Variants in NKAIN2 observed in about 807,000 individuals in gnomAD.
The protein encoded by NKAIN2 is sodium/potassium-transporting ATPase subunit beta-1-interacting protein 2.
Under a neutral mutation model 32.6 loss-of-function variants are expected in NKAIN2, and 14 were observed. The ratio of observed to expected loss-of-function variants is 0.43; its 90% CI spans 0.28 to 0.67. NKAIN2 has a LOEUF of 0.67. Ranked by LOEUF, NKAIN2 falls within the 30% of genes least tolerant of loss-of-function variation. The probability of loss-of-function intolerance (pLI) is 0.17; values close to 1 mark genes in which losing one functional copy is unlikely to be tolerated. For synonymous variants in NKAIN2, 80 were observed against 87.2 expected, an observed-to-expected ratio of 0.92 and a Z score of 0.46; for missense variants, 198 against 258.3, an observed-to-expected ratio of 0.77 and a Z score of 1.60.
At chr6:123,947,401 T>G (rs1204309357) in intron 1 of NKAIN2, among the ~76,000 whole-genome samples, 1 of 152,136 alleles carries the variant, frequency 6.6e-6, no homozygotes, top group Non-Finnish European at 1.5e-5. Flanking sequence ...TTGTGTAAAA[T>G]TAACTTGTAT....
chr6:124,307,223 A>G (rs1456705080), intron 2 of NKAIN2, among the ~76,000 whole-genome samples: 2 of 152,224 alleles, frequency 1.3e-5, no homozygotes, highest in Non-Finnish European at 2.9e-5. Context: ...AGGTCTGGCT[A>G]TGCTTATTTT....
intron 1 of NKAIN2, among the ~76,000 whole-genome samples, chr6:124,098,318 CATT>C (rs1218461584): frequency 2.0e-5 from 3 of 152,100 alleles, no homozygotes; most frequent in African/African-American, 7.2e-5. Flanking sequence ...AGGGATCATG[CATT>C]ATTTGAATGT....
chr6:123,844,294 G>A (rs1775004239), intron 1 of NKAIN2, among the ~76,000 whole-genome samples: 1 of 152,170 alleles, frequency 6.6e-6, no homozygotes, highest in African/African-American at 2.4e-5. Flanking sequence ...TTTGAAGAAG[G>A]TAGTGTTTAG....
intron 1 of NKAIN2, among the ~76,000 whole-genome samples, chr6:123,843,658 C>T (rs1039707099): frequency 3.3e-5 from 5 of 152,130 alleles, no homozygotes; most frequent in African/African-American, 1.2e-4. Flanking sequence ...TCCCTGCATC[C>T]TGTCCTTATC....
rs1781468671 is a variant in NKAIN2 at position 124,823,335 on chromosome 6, A to G, written c.*106A>G. 3 of 800,222 alleles carry G rather than the reference A, an allele frequency of 3.7e-6. No homozygotes were observed. Among genetic ancestry groups the G allele is most frequent in the Non-Finnish European group, 6.8e-6 (3 of 443,018 alleles). The allele number at this position is 800,222 out of a possible 1,614,324, so 49.6% of individuals were successfully genotyped here. ...AAGAAGCAACTGAGTTTAAATACAT[A>G]CACGTATTAACAAAACAAATGCAAA... On this transcript the variant is annotated 3_prime_UTR_variant, in exon 7 of 7. Coordinates refer to ENST00000368417, the MANE Select transcript of NKAIN2 (RefSeq NM_001040214.3).
intron 1 of NKAIN2, among the ~76,000 whole-genome samples, chr6:124,155,281 A>G (rs547973569): frequency 6.6e-6 from 1 of 152,132 alleles, no homozygotes; most frequent in Non-Finnish European, 1.5e-5. Context: ...TAACATTAAT[A>G]TATAGCTTCA....
chr6:124,708,406 G>A (rs1775223152), intron 4 of NKAIN2, among the ~76,000 whole-genome samples: 1 of 151,660 alleles, frequency 6.6e-6, no homozygotes, highest in Non-Finnish European at 1.5e-5. Flanking sequence ...GATGGGGATG[G>A]CATTGAATCT....
intron 1 of NKAIN2, among the ~76,000 whole-genome samples, chr6:124,254,691 G>C (rs1793843837): frequency 1.3e-5 from 2 of 152,094 alleles, no homozygotes; most frequent in Admixed American, 6.6e-5. Flanking sequence ...ACTAAAATTT[G>C]ATGGTAGTTT....
At chr6:123,988,992 T>A (rs1463794591) in intron 1 of NKAIN2, among the ~76,000 whole-genome samples, 1 of 152,040 alleles carries the variant, frequency 6.6e-6, no homozygotes, top group African/African-American at 2.4e-5. Context: ...TTTCGATCTA[T>A]TCTGTGCTCT....
chr6:124,139,221 T>A (rs1787015005), intron 1 of NKAIN2, among the ~76,000 whole-genome samples: 2 of 147,986 alleles, frequency 1.4e-5, no homozygotes, highest in Admixed American at 1.4e-4. Context: ...CCCCAGTAGC[T>A]GGGACTACAG....
At chr6:124,223,560 A>T (rs551244002) in intron 1 of NKAIN2, among the ~76,000 whole-genome samples, 2 of 152,184 alleles carry the variant, frequency 1.3e-5, no homozygotes, top group African/African-American at 4.8e-5. Context: ...TCCATTAAGC[A>T]TCTTTCTGTG....
chr6:124,797,646 T>C (rs1361975273), intron 5 of NKAIN2, among the ~76,000 whole-genome samples: 1 of 152,196 alleles, frequency 6.6e-6, no homozygotes, highest in African/African-American at 2.4e-5. Flanking sequence ...CTAATAATTT[T>C]CTGTTATTTT....
chr6:124,127,209 T>G (rs1786217472), intron 1 of NKAIN2, among the ~76,000 whole-genome samples: 1 of 152,120 alleles, frequency 6.6e-6, no homozygotes, highest in East Asian at 1.9e-4. Context: ...ATGGAGAGAT[T>G]CTGATATGTG....
chr6:124,756,267 A>G (rs968147690), intron 4 of NKAIN2, among the ~76,000 whole-genome samples: 5 of 152,176 alleles, frequency 3.3e-5, no homozygotes, highest in African/African-American at 1.2e-4. Flanking sequence ...CCCCTTCCTC[A>G]TCTCTAACTG....
intron 1 of NKAIN2, among the ~76,000 whole-genome samples, chr6:123,934,890 A>AT (rs1162187666): frequency 6.6e-6 from 1 of 151,556 alleles, no homozygotes; most frequent in Non-Finnish European, 1.5e-5. Flanking sequence ...TATTTTCTAC[A>AT]TTTTTTCCCT....
intron 1 of NKAIN2, among the ~76,000 whole-genome samples, chr6:124,002,607 C>T (rs1474245926): frequency 7.2e-5 from 11 of 152,130 alleles, no homozygotes; most frequent in Admixed American, 7.2e-4. Context: ...TCTCCACCTT[C>T]TTTACTCTAT....
chr6:124,309,685 T>G (rs1403015453), intron 2 of NKAIN2, among the ~76,000 whole-genome samples: 1 of 152,168 alleles, frequency 6.6e-6, no homozygotes, highest in Non-Finnish European at 1.5e-5. Flanking sequence ...CTTTGTCATC[T>G]CAATTGTAAG....
At chr6:123,805,589 C>T (rs1773180632) in intron 1 of NKAIN2, among the ~76,000 whole-genome samples, 2 of 152,078 alleles carry the variant, frequency 1.3e-5, no homozygotes, top group South Asian at 4.1e-4. Flanking sequence ...GGTAGTTTCT[C>T]AATGATGTGT....
At chr6:124,655,932 G>A (rs1020904854) in intron 3 of NKAIN2, among the ~76,000 whole-genome samples, 1 of 151,942 alleles carries the variant, frequency 6.6e-6, no homozygotes, top group African/African-American at 2.4e-5. Context: ...CTTGAGCTAT[G>A]GATATTAGAT....
Sources: allele counts gnomAD v4.1 joint callset (sites outside exome capture counted in the v4.1 genomes callset), GRCh38; gene constraint gnomAD v4.1.1; transcripts MANE v1.5; gene names NCBI Gene and HGNC (gene_info 2026-07-23, HGNC 2026-07-21).